Variants in NOD2 observed in about 807,000 individuals in gnomAD.
NOD2 encodes nucleotide binding oligomerization domain containing 2.
A neutral mutation model predicts 90.9 loss-of-function variants in NOD2; 86 were observed. The observed-to-expected ratio is 0.95, with a 90% CI of 0.79 to 1.13. NOD2 has a LOEUF of 1.13. NOD2 is among the 50% of genes most tolerant of loss of function. The probability of loss-of-function intolerance (pLI) is 0.00; values close to 1 mark genes in which losing one functional copy is unlikely to be tolerated. For synonymous variants in NOD2, 581 were observed against 554.6 expected (o/e 1.05, Z -0.67); for missense variants, 1,238 against 1,283.8 (o/e 0.96, Z 0.55).
chr16:50,695,473 A>G (rs1394412305), intron 1 of NOD2, among the ~76,000 whole-genome samples: 3 of 152,128 alleles, frequency 2.0e-5, no homozygotes. Context: ...GCTGCCCATT[A>G]GGCATCAATG....
In NOD2 at chr16:50,697,280, G is replaced by A. The variant is rs2150776587; in HGVS notation, c.-8-2208G>A. 1 of 1,560,672 alleles carries A rather than the reference G, an allele frequency of 6.4e-7. No individual in the cohort carries two copies. Among genetic ancestry groups the A allele is most frequent in the Non-Finnish European group, 8.7e-7 (1 of 1,151,622 alleles). On this transcript the variant is annotated intron_variant, in intron 1 of 11. Transcript: ENST00000647318. Reference sequence around the variant, plus strand: ...GGGTGGTTCAGCCTCTCACGATGAGGAGGAAAGAGCAAGTGTCCTCCTCGG... The same window carrying A: ...GGGTGGTTCAGCCTCTCACGATGAGAAGGAAAGAGCAAGTGTCCTCCTCGG...
chr16:50,695,464 C>G (rs1963604169), intron 1 of NOD2, among the ~76,000 whole-genome samples: 1 of 152,048 alleles, frequency 6.6e-6, no homozygotes, highest in Non-Finnish European at 1.5e-5. Flanking sequence ...GGAGTTTGAG[C>G]TGCCCATTAG....
intron 3 of NOD2, 48 bp from the exon 4 acceptor site, chr16:50,710,510 G>C: frequency 6.2e-7 from 1 of 1,613,092 alleles, no homozygotes; most frequent in Non-Finnish European, 8.5e-7. Context: ...GTTAGGTCCC[G>C]TCTTCACCAT....
At chr16:50,716,999 C>A in intron 6 of NOD2, 25 bp downstream of exon 6, 1 of 1,610,430 alleles carries the variant, frequency 6.2e-7, no homozygotes, top group Non-Finnish European at 8.5e-7. Flanking sequence ...TCCTTATTCC[C>A]TGGAAACTAT....
chr16:50,718,609 G>A (rs1567400525), intron 6 of NOD2, among the ~76,000 whole-genome samples: 1 of 152,214 alleles, frequency 6.6e-6, no homozygotes, highest in East Asian at 1.9e-4. Context: ...GAGCCAGACT[G>A]CCCGAGGTTT....
Position 50,711,789 on chromosome 16 carries a change from C to G in NOD2, c.1797C>G (p.Leu599=). The change falls in exon 4 of 12, where the codon CTC becomes CTG. Residue 599 remains leucine (L), a synonymous_variant. Coordinates refer to ENST00000647318, the MANE Select transcript of NOD2 (RefSeq NM_001370466.1). Reference sequence around the variant, plus strand: ...GTGCTGATGTGCCACCAGCTTTGCTCAGACACCTCTTCAATTGTGGCAGGC... The same window carrying G: ...GTGCTGATGTGCCACCAGCTTTGCTGAGACACCTCTTCAATTGTGGCAGGC... The part of the protein sequence containing the change: ...ALSADVPPAL[L]RHLFNCGRPG... The G allele has an allele frequency of 6.2e-7, 1 of 1,614,248 alleles. No homozygotes were observed. The highest frequency in any genetic ancestry group is 8.5e-7 in the Non-Finnish European group (1 of 1,180,036).
Position 50,716,883 on chromosome 16 carries a change from C to CT in NOD2, c.2466-7dup. 6.2e-7 allele frequency: 1 copy of CT among 1,613,502 alleles called. No homozygotes were observed. Among genetic ancestry groups the CT allele is most frequent in the South Asian group, 1.1e-5 (1 of 91,068 alleles). ...CTTCTGTGTCTCCTCTCTTCTGGAA[C>CT]TGAACAGTCTATTCAACAACAAATT... On this transcript the variant is annotated splice_polypyrimidine_tract_variant and splice_region_variant and intron_variant, in intron 5 of 11. Coordinates refer to ENST00000647318, the MANE Select transcript of NOD2 (RefSeq NM_001370466.1).
rs145071209 is a variant in NOD2, at chr16:50,728,075, T to A, written c.2886-1743T>A. ...GAAGATGACACTTCAAAATGACGAT[T>A]TTCTTGGTTTTCACTCAGCTCATGA... On this transcript the variant is annotated intron_variant, in intron 10 of 11. Coordinates refer to ENST00000647318, the MANE Select transcript of NOD2 (RefSeq NM_001370466.1). The A allele has an allele frequency of 2.3e-3, 531 of 229,206 alleles. 5 individuals are homozygous for A. The highest frequency in any genetic ancestry group is 0.012 in the African/African-American group (511 of 43,888). The allele number at this position is 229,206 out of a possible 1,614,324, so 14.2% of individuals were successfully genotyped here.
At chr16:50,722,093 G>A (rs1016811516) in intron 7 of NOD2, among the ~76,000 whole-genome samples, 1 of 152,220 alleles carries the variant, frequency 6.6e-6, no homozygotes, top group African/African-American at 2.4e-5. Context: ...GGAAAGGGAT[G>A]TTTTCAAACT....
chr16:50,697,324 G>T, intron 1 of NOD2: 1 of 1,554,628 alleles, frequency 6.4e-7, no homozygotes, highest in East Asian at 2.4e-5. Context: ...CGGGTAAGAG[G>T]AGCAGGCATT....
At position 50,731,669 on chromosome 16, in the gene NOD2, A is replaced by G. The variant is rs1234241881; in HGVS notation, c.2970-78A>G. ...TCAGCCCATCCCAGGCATGGGTTTAAAAAGTGGAGGCTTTTGTTTGAAAGC... is the reference window on the plus strand; with the variant it reads ...TCAGCCCATCCCAGGCATGGGTTTAGAAAGTGGAGGCTTTTGTTTGAAAGC... On this transcript the variant is annotated intron_variant, in intron 11 of 11. Transcript: ENST00000647318. 4 of 1,019,462 alleles carry G rather than the reference A, an allele frequency of 3.9e-6. No individual in the cohort carries two copies. In the African/African-American group the frequency reaches 6.3e-5, roughly 16 times the overall value. The allele number at this position is 1,019,462 out of a possible 1,614,324, so 63.2% of individuals were successfully genotyped here.
At chr16:50,719,176 G>A (rs1472820911) in intron 6 of NOD2, among the ~76,000 whole-genome samples, 2 of 152,190 alleles carry the variant, frequency 1.3e-5, no homozygotes, top group Non-Finnish European at 2.9e-5. Flanking sequence ...AAGGAGCTGA[G>A]GCTGGAGACC....
chr16:50,716,481 A>G, intron 4 of NOD2, 106 bp from the exon 5 acceptor site: 2 of 1,110,546 alleles, frequency 1.8e-6, no homozygotes, highest in South Asian at 1.3e-5. Context: ...CTGGAAGCAC[A>G]GATGCTGGCA....
At chr16:50,695,843 G>A (rs565243596) in intron 1 of NOD2, among the ~76,000 whole-genome samples, 103 of 152,192 alleles carry the variant, frequency 6.8e-4, no homozygotes, top group African/African-American at 2.4e-3. Flanking sequence ...CACTGGAGCT[G>A]GATGGGGAAC....
At chr16:50,713,234 T>C (rs953083047) in intron 4 of NOD2, 1 of 152,224 alleles carries the variant, frequency 6.6e-6, no homozygotes, top group Non-Finnish European at 1.5e-5. Flanking sequence ...AAGTTCTAGA[T>C]TGAAGTTAAA....
At position 50,708,964 on chromosome 16, in the gene NOD2, A is replaced by C. The variant is rs190047263; in HGVS notation, c.565+1004A>C. Among the ~76,000 whole-genome samples, 514 of 152,356 alleles carry C rather than the reference A, an allele frequency of 3.4e-3. 4 individuals are homozygous for C. Among genetic ancestry groups the C allele is most frequent in the African/African-American group, 0.012 (484 of 41,586 alleles). ...GCTGTTGACATCATCAAGCACAGCT[A>C]GTCACTGTAAGACCAGGCCAGGGTG... On this transcript the variant is annotated intron_variant, in intron 3 of 11. Coordinates refer to ENST00000647318, the MANE Select transcript of NOD2 (RefSeq NM_001370466.1).
intron 6 of NOD2, 77 bp from the exon 7 acceptor site, chr16:50,719,848 C>T: frequency 7.4e-7 from 1 of 1,343,214 alleles, no homozygotes; most frequent in Middle Eastern, 1.8e-4. Flanking sequence ...TCCTGTGTTT[C>T]CCTGGCCAGG....
intron 7 of NOD2, among the ~76,000 whole-genome samples, chr16:50,721,346 A>G (rs1429041731): frequency 6.8e-6 from 1 of 146,152 alleles, no homozygotes; most frequent in Non-Finnish European, 1.5e-5. Flanking sequence ...TATGATACAA[A>G]GTGTTCTGTA....
At chr16:50,697,541 C>T (rs2150777313) in intron 1 of NOD2, 1 of 624,762 alleles carries the variant, frequency 1.6e-6, no homozygotes, top group African/African-American at 1.8e-5. Flanking sequence ...AGCTGAGAAC[C>T]ACTCCAGGGC....
Sources: gnomAD v4.1 joint callset for allele counts (sites outside exome capture counted in the v4.1 genomes callset) on GRCh38, gnomAD v4.1.1 for gene constraint, MANE v1.5 for transcripts, NCBI Gene and HGNC (gene_info 2026-07-23, HGNC 2026-07-21) for gene names.